GPM6A: variants seen among roughly 807,000 people sequenced by gnomAD.
The protein encoded by GPM6A is neuronal membrane glycoprotein M6-a.
A neutral mutation model predicts 32.1 loss-of-function variants in GPM6A; 7 were observed. The ratio of observed to expected loss-of-function variants is 0.22; its 90% confidence interval spans 0.12 to 0.41. The LOEUF (loss-of-function observed/expected upper bound fraction) is 0.41. GPM6A is among the 10% of genes least tolerant of loss of function. The pLI, the probability that GPM6A is intolerant of heterozygous loss-of-function variation, is 1.00. For synonymous variants in GPM6A, 130 were observed against 123.4 expected (o/e 1.05, Z -0.35); for missense variants, 235 against 347.2 (o/e 0.68, Z 2.57).
intron 1 of GPM6A, among the ~76,000 whole-genome samples, chr4:175,946,372 C>T (rs1739606963): frequency 6.6e-6 from 1 of 152,166 alleles, no homozygotes; most frequent in Non-Finnish European, 1.5e-5. Context: ...GTGTGAAGCA[C>T]TGTTCTAGGG....
intron 1 of GPM6A, among the ~76,000 whole-genome samples, chr4:175,950,266 C>G (rs1273920265): frequency 3.3e-5 from 5 of 152,110 alleles, no homozygotes; most frequent in Non-Finnish European, 5.9e-5. Flanking sequence ...ATGGGTCTAA[C>G]AGAGTCTCAA....
At chr4:175,850,944 C>T (rs1736234352) in intron 1 of GPM6A, among the ~76,000 whole-genome samples, 2 of 151,326 alleles carry the variant, frequency 1.3e-5, no homozygotes, top group Admixed American at 6.6e-5. Context: ...AACTGATTTC[C>T]CTATCATGCA....
rs1412337160 is a variant in GPM6A, at chr4:175,984,287, C to T, written c.-23+18022G>A. On this transcript the variant is annotated intron_variant, in intron 1 of 7. Coordinates refer to the GPM6A transcript ENST00000280187. Reference sequence around the variant, plus strand: ...AAGAGATTCTCCCGCCTCAGCCTTCCGAGTAGCTGGGACTACAGGTGCGTT... The same window carrying T: ...AAGAGATTCTCCCGCCTCAGCCTTCTGAGTAGCTGGGACTACAGGTGCGTT... Among the ~76,000 whole-genome samples the T allele has an allele frequency of 3.9e-5, 6 of 152,168 alleles. No homozygotes were observed. In the East Asian group the frequency reaches 7.7e-4, roughly 20 times the overall value.
intron 1 of GPM6A, among the ~76,000 whole-genome samples, chr4:175,843,461 T>C (rs1443382901): frequency 2.0e-5 from 3 of 152,182 alleles, no homozygotes; most frequent in Non-Finnish European, 2.9e-5. Flanking sequence ...GTTCCATGAC[T>C]GAAATGCCGA....
intron 1 of GPM6A, among the ~76,000 whole-genome samples, chr4:175,994,123 C>T (rs948633660): frequency 1.3e-5 from 2 of 152,038 alleles, no homozygotes; most frequent in East Asian, 1.9e-4. Context: ...TTGAGAGATA[C>T]ATAAATACAA....
chr4:175,846,918 T>G (rs1401597774), intron 1 of GPM6A, among the ~76,000 whole-genome samples: 1 of 152,172 alleles, frequency 6.6e-6, no homozygotes. Flanking sequence ...AATGCATTTG[T>G]CTTACATGGC....
chr4:175,829,209 G>A (rs1157628637), intron 1 of GPM6A, among the ~76,000 whole-genome samples: 2 of 152,170 alleles, frequency 1.3e-5, no homozygotes, highest in African/African-American at 4.8e-5. Flanking sequence ...GGAGCCACCA[G>A]GCATGAGCCA....
chr4:175,719,023 C>T (rs1227927494), intron 1 of GPM6A, among the ~76,000 whole-genome samples: 3 of 152,102 alleles, frequency 2.0e-5, no homozygotes, highest in Admixed American at 6.6e-5. Context: ...TAGAAACTCA[C>T]TAAGACATTT....
At position 175,987,525 on chromosome 4, in the gene GPM6A, T is replaced by C. The variant is rs535301350; in HGVS notation, c.-23+14784A>G. 4.6e-4 allele frequency among the ~76,000 whole-genome samples: 5 copies of C among 10,896 alleles called. No individual in the cohort carries two copies. The South Asian group carries it at 5.7e-3, about 12-fold the overall frequency. The allele number at this position is 10,896 out of a possible 152,430, so 7.1% of individuals were successfully genotyped here. A position where few individuals can be genotyped will look rare whatever the true frequency, so the allele number is the denominator to read the frequency against. Reference sequence around the variant, plus strand: ...ACTTACTTTTGTACTAAAGTGTGTTTGTGTGTGTGTGTGTGTGTGTGTGTG... The same window carrying C: ...ACTTACTTTTGTACTAAAGTGTGTTCGTGTGTGTGTGTGTGTGTGTGTGTG... On this transcript the variant is annotated intron_variant, in intron 1 of 7. Transcript: ENST00000280187.
intron 1 of GPM6A, among the ~76,000 whole-genome samples, chr4:175,831,068 T>A (rs1485445429): frequency 6.6e-6 from 1 of 152,214 alleles, no homozygotes; most frequent in African/African-American, 2.4e-5. Context: ...TGTCTATTAT[T>A]AGCATCTATT....
intron 1 of GPM6A, among the ~76,000 whole-genome samples, chr4:175,984,592 T>C (rs1356919347): frequency 6.6e-6 from 1 of 152,226 alleles, no homozygotes; most frequent in Admixed American, 6.5e-5. Flanking sequence ...TATTGCTTCA[T>C]AGAAGTGCTT....
chr4:175,646,402 A>G (rs1741465475), intron 4 of GPM6A, among the ~76,000 whole-genome samples: 1 of 152,214 alleles, frequency 6.6e-6, no homozygotes, highest in South Asian at 2.1e-4. Context: ...CACTTAGGTT[A>G]AAAGCGCTAT....
chr4:175,706,274 T>C lies in GPM6A; in HGVS notation c.38-4507A>G, dbSNP rs372703863. On this transcript the variant is annotated intron_variant, in intron 1 of 6. Transcript: ENST00000393658. The stretch of plus-strand genomic sequence containing the variant: ...ATATGTTATCTTTAAAAAAAGATAC[T>C]GACATTTTTAAAAAGACATTGATTA... Among the ~76,000 whole-genome samples the C allele has an allele frequency of 2.5e-3, 379 of 152,262 alleles. 4 individuals are homozygous for C. Among genetic ancestry groups the C allele is most frequent in the African/African-American group, 8.8e-3 (365 of 41,558 alleles).
intron 1 of GPM6A, among the ~76,000 whole-genome samples, chr4:175,753,954 T>A (rs765913409): frequency 6.6e-6 from 1 of 152,116 alleles, no homozygotes; most frequent in African/African-American, 2.4e-5. Flanking sequence ...AGGTCCAATC[T>A]TCATAAAGGG....
In GPM6A at chr4:175,701,564, G is replaced by C. The variant is rs373402926; in HGVS notation, c.230+11C>G. The C allele has an allele frequency of 2.9e-5, 46 of 1,591,340 alleles. No individual in the cohort carries two copies. In the African/African-American group the frequency reaches 5.1e-4, roughly 18 times the overall value. On this transcript the variant is annotated intron_variant, in intron 2 of 6. Coordinates refer to ENST00000393658, the MANE Select transcript of GPM6A (RefSeq NM_201591.3). ...ACATGGAAAATAACAAGAAATACTA[G>C]AGTGACTTACATGGTAAAAACATCC...
rs528596226 is a variant in GPM6A, at chr4:175,916,805, A to G, written c.-23+85504T>C. 2.0e-5 allele frequency among the ~76,000 whole-genome samples: 3 copies of G among 152,360 alleles called. No homozygotes were observed. In the South Asian group the frequency reaches 6.2e-4, roughly 32 times the overall value. On this transcript the variant is annotated intron_variant, in intron 1 of 7. Transcript: ENST00000280187. ...TCAAGCGTTTCAGGTAACCAAGTCTAGATCCCATGACACTCCCCAAGCCCC... is the reference window on the plus strand; with the variant it reads ...TCAAGCGTTTCAGGTAACCAAGTCTGGATCCCATGACACTCCCCAAGCCCC...
intron 1 of GPM6A, among the ~76,000 whole-genome samples, chr4:175,890,149 A>G (rs1385674355): frequency 6.6e-6 from 1 of 152,214 alleles, no homozygotes; most frequent in Admixed American, 6.5e-5. Context: ...AAATTTGATA[A>G]CAAGTACTGT....
At chr4:175,991,442 A>G (rs2126460908) in intron 1 of GPM6A, among the ~76,000 whole-genome samples, 1 of 152,240 alleles carries the variant, frequency 6.6e-6, no homozygotes, top group South Asian at 2.1e-4. Flanking sequence ...AGTCAAACAT[A>G]TATCTCAAGT....
At chr4:175,710,572 A>G (rs1456981253) in intron 1 of GPM6A, among the ~76,000 whole-genome samples, 2 of 152,144 alleles carry the variant, frequency 1.3e-5, no homozygotes, top group East Asian at 1.9e-4. Flanking sequence ...TAGGATGCCA[A>G]TCCTCTGAAA....
Sources: allele counts gnomAD v4.1 joint callset (sites outside exome capture counted in the v4.1 genomes callset), GRCh38; gene constraint gnomAD v4.1.1; transcripts MANE v1.5; gene names NCBI Gene and HGNC (gene_info 2026-07-23, HGNC 2026-07-21).